The following EBF1 variants were observed in gnomAD, a reference collection of about 807,000 sequenced individuals.
The protein encoded by EBF1 is transcription factor COE1.
EBF1 carries 10 observed loss-of-function variants against 68.4 expected under a neutral mutation model. The observed-to-expected ratio is 0.15, with a 90% CI of 0.09 to 0.25. EBF1 has a LOEUF of 0.25. EBF1 is among the 10% of genes least tolerant of loss of function. EBF1 has a pLI of 1.00. For missense variants in EBF1, 509 were observed against 794.4 expected (o/e 0.64, Z 4.32); for synonymous variants, 298 against 299.8 (o/e 0.99, Z 0.06).
intron 6 of EBF1, among the ~76,000 whole-genome samples, chr5:158,944,179 G>A (rs915980205): frequency 2.0e-5 from 3 of 152,054 alleles, no homozygotes; most frequent in Admixed American, 6.6e-5. Flanking sequence ...CCATCAACCC[G>A]TCATCTACAT....
chr5:158,802,561 G>A (rs961455336), intron 8 of EBF1, among the ~76,000 whole-genome samples: 6 of 152,132 alleles, frequency 3.9e-5, no homozygotes, highest in African/African-American at 1.2e-4. Context: ...CAGTGGAGGT[G>A]AAAATACTGG....
chr5:158,785,637 C>T (rs1229597457), intron 9 of EBF1, among the ~76,000 whole-genome samples: 1 of 152,142 alleles, frequency 6.6e-6, no homozygotes, highest in Non-Finnish European at 1.5e-5. Context: ...TTTGTCCTTT[C>T]AAGAAAATAA....
chr5:158,824,047 C>T (rs888628377), intron 7 of EBF1, among the ~76,000 whole-genome samples: 1 of 152,152 alleles, frequency 6.6e-6, no homozygotes, highest in African/African-American at 2.4e-5. Flanking sequence ...AAGATGTTGT[C>T]TCAGAGAACT....
chr5:158,992,930 T>C (rs1302119555), intron 6 of EBF1, among the ~76,000 whole-genome samples: 1 of 134,610 alleles, frequency 7.4e-6, no homozygotes, highest in African/African-American at 2.8e-5. Context: ...TTTTTTTTTT[T>C]TTTTTTTTTT....
chr5:159,061,729 G>GTT (rs59750224), intron 6 of EBF1, among the ~76,000 whole-genome samples: 16 of 145,384 alleles, frequency 1.1e-4, no homozygotes, highest in East Asian at 9.9e-4. Context: ...AGATTGTTTT[G>GTT]TTTTTTTTTT....
At chr5:158,826,737 ATTCG>A (rs1246639705) in intron 7 of EBF1, among the ~76,000 whole-genome samples, 4 of 152,186 alleles carry the variant, frequency 2.6e-5, no homozygotes, top group African/African-American at 4.8e-5. Context: ...AGTTGAGAGT[ATTCG>A]TTATAAGAGA....
intron 7 of EBF1, among the ~76,000 whole-genome samples, chr5:158,832,321 C>T (rs1011393391): frequency 6.6e-6 from 1 of 152,230 alleles, no homozygotes; most frequent in Non-Finnish European, 1.5e-5. Context: ...CAGCATAAGG[C>T]TCATGCCAAG....
chr5:158,892,837 A>C (rs1801445947), intron 6 of EBF1, among the ~76,000 whole-genome samples: 1 of 152,114 alleles, frequency 6.6e-6, no homozygotes, highest in Non-Finnish European at 1.5e-5. Flanking sequence ...CTTATTTTTT[A>C]TTATTTTTAA....
intron 6 of EBF1, among the ~76,000 whole-genome samples, chr5:158,964,861 A>C (rs1753796879): frequency 6.6e-6 from 1 of 152,336 alleles, no homozygotes; most frequent in East Asian, 1.9e-4. Flanking sequence ...ACAAGTAAAA[A>C]AATAATATGA....
chr5:158,929,154 G>A (rs754399335), intron 6 of EBF1, among the ~76,000 whole-genome samples: 14 of 152,144 alleles, frequency 9.2e-5, no homozygotes, highest in Non-Finnish European at 1.9e-4. Context: ...TCAGTGTGTG[G>A]CAGAAAAATC....
At chr5:159,078,932 A>G (rs1779273076) in intron 5 of EBF1, among the ~76,000 whole-genome samples, 1 of 152,188 alleles carries the variant, frequency 6.6e-6, no homozygotes, top group African/African-American at 2.4e-5. Context: ...GAATCGGCAG[A>G]TCCTCATCTT....
intron 10 of EBF1, among the ~76,000 whole-genome samples, chr5:158,750,898 A>T (rs1443329024): frequency 6.6e-6 from 1 of 152,142 alleles, no homozygotes; most frequent in Admixed American, 6.6e-5. Flanking sequence ...TTATACGAGT[A>T]TAAATAAAAC....
chr5:158,825,655 T>C (rs1284765353), intron 7 of EBF1, among the ~76,000 whole-genome samples: 4 of 152,090 alleles, frequency 2.6e-5, no homozygotes, highest in African/African-American at 9.7e-5. Context: ...ACCCCATATG[T>C]TTTTCTTTTC....
intron 7 of EBF1, among the ~76,000 whole-genome samples, chr5:158,827,984 T>C (rs2127896674): frequency 6.6e-6 from 1 of 152,324 alleles, no homozygotes; most frequent in South Asian, 2.1e-4. Flanking sequence ...AATCTTGGTT[T>C]TCAGTGCTGA....
intron 4 of EBF1, among the ~76,000 whole-genome samples, chr5:159,086,010 A>G (rs1780578315): frequency 1.3e-5 from 2 of 152,106 alleles, no homozygotes; most frequent in Admixed American, 1.3e-4. Context: ...ATGAGGAAAA[A>G]ATACTTCTCC....
At chr5:159,028,221 A>G (rs1768076801) in intron 6 of EBF1, among the ~76,000 whole-genome samples, 1 of 152,210 alleles carries the variant, frequency 6.6e-6, no homozygotes, top group Admixed American at 6.6e-5. Context: ...CATGAGTGGC[A>G]TCATGGCAAT....
chr5:159,020,465 C>G (rs1204613905), intron 6 of EBF1, among the ~76,000 whole-genome samples: 1 of 152,190 alleles, frequency 6.6e-6, no homozygotes, highest in Non-Finnish European at 1.5e-5. Flanking sequence ...GCTCAGTCCT[C>G]TCTGGGACTT....
intron 6 of EBF1, among the ~76,000 whole-genome samples, chr5:158,989,598 T>A (rs1759852183): frequency 6.6e-6 from 1 of 152,108 alleles, no homozygotes; most frequent in South Asian, 2.1e-4. Context: ...CCTCTGTTTG[T>A]GTGCAGCTCC....
At chr5:159,052,693 C>G (rs1208375713) in intron 6 of EBF1, among the ~76,000 whole-genome samples, 2 of 152,204 alleles carry the variant, frequency 1.3e-5, no homozygotes, top group Non-Finnish European at 1.5e-5. Flanking sequence ...AAACCTTCGG[C>G]AGAGCCCTGG....
Sources: gnomAD v4.1 joint callset for allele counts (sites outside exome capture counted in the v4.1 genomes callset) on GRCh38, gnomAD v4.1.1 for gene constraint, MANE v1.5 for transcripts, NCBI Gene and HGNC (gene_info 2026-07-23, HGNC 2026-07-21) for gene names.